CC2D2A: variants seen among roughly 807,000 people sequenced by gnomAD.
CC2D2A encodes coiled-coil and C2 domain containing 2A.
CC2D2A carries 155 observed loss-of-function variants against 212.9 expected under a neutral mutation model. That is an observed-to-expected ratio of 0.73 (90% confidence interval 0.64 to 0.83). The LOEUF (loss-of-function observed/expected upper bound fraction) is 0.83, where lower values mean the gene tolerates loss of function less well. Among genes scored for constraint, CC2D2A ranks in the 40% least tolerant of loss-of-function variants. The pLI is 0.00. For missense variants in CC2D2A, 1,856 were observed against 1,956.2 expected (o/e 0.95, Z 0.97); for synonymous variants, 667 against 686.5 (o/e 0.97, Z 0.44).
intron 4 of CC2D2A, 41 bp from the exon 5 acceptor site, chr4:15,502,388 T>C (rs974608823): frequency 1.6e-6 from 2 of 1,213,232 alleles, no homozygotes; most frequent in Admixed American, 2.5e-5. Flanking sequence ...TTTCTTTTTC[T>C]TTTTTTTTTA....
chr4:15,578,912 G>A (rs974757902), intron 29 of CC2D2A, among the ~76,000 whole-genome samples: 1 of 151,988 alleles, frequency 6.6e-6, no homozygotes, highest in African/African-American at 2.4e-5. Context: ...AAAGTGCTGG[G>A]ATTGCAGGTG....
chr4:15,470,652 T>TCC (rs1713680141), intron 1 of CC2D2A, among the ~76,000 whole-genome samples: 3 of 90,088 alleles, frequency 3.3e-5, no homozygotes, highest in African/African-American at 2.1e-4. Context: ...GCATGAAATC[T>TCC]CTCTCTCTCT....
chr4:15,530,114 G>A (rs1300554146), intron 13 of CC2D2A, among the ~76,000 whole-genome samples: 2 of 151,480 alleles, frequency 1.3e-5, no homozygotes, highest in Non-Finnish European at 3.0e-5. Flanking sequence ...TGGGACTACA[G>A]GCGCCCGCCA....
At chr4:15,503,077 G>A (rs760219239) in intron 6 of CC2D2A, among the ~76,000 whole-genome samples, 154 bp downstream of exon 6, 13 of 151,790 alleles carry the variant, frequency 8.6e-5, no homozygotes, top group Non-Finnish European at 1.6e-4. Flanking sequence ...TGGGAGGATC[G>A]CTTGAGTCCA....
chr4:15,598,528 A>G, intron 35 of CC2D2A, among the ~76,000 whole-genome samples: 1 of 152,226 alleles, frequency 6.6e-6, no homozygotes. Flanking sequence ...AAACATCTAC[A>G]AAAAGCACTT....
At chr4:15,587,068 G>C (rs567073464) in intron 31 of CC2D2A, among the ~76,000 whole-genome samples, 36 of 152,314 alleles carry the variant, frequency 2.4e-4, no homozygotes, top group African/African-American at 6.5e-4. Flanking sequence ...TAGTTTTGTA[G>C]AATACAATTT....
chr4:15,573,394 G>A (rs540993657), intron 28 of CC2D2A, among the ~76,000 whole-genome samples: 13 of 152,262 alleles, frequency 8.5e-5, no homozygotes, highest in East Asian at 3.9e-4. Context: ...AGGTTCAAGC[G>A]ATTGTCCTGT....
chr4:15,478,643 T>G, intron 2 of CC2D2A, 80 bp from the exon 3 acceptor site: 1 of 1,024,222 alleles, frequency 9.8e-7, no homozygotes, highest in South Asian at 1.6e-5. Context: ...AGGGTCAAGA[T>G]GGGAGTTTTA....
chr4:15,498,024 T>C (rs537825611), intron 4 of CC2D2A, among the ~76,000 whole-genome samples: 4 of 152,308 alleles, frequency 2.6e-5, no homozygotes, highest in African/African-American at 9.6e-5. Flanking sequence ...AGGGGTCAGG[T>C]ATAACAGAAG....
chr4:15,593,296 T>G (rs933712705), intron 33 of CC2D2A, among the ~76,000 whole-genome samples: 1 of 152,204 alleles, frequency 6.6e-6, no homozygotes, highest in African/African-American at 2.4e-5. Context: ...GATCTTGTCT[T>G]GAGCCAATTT....
At chr4:15,561,669 C>T (rs1316803389) in intron 23 of CC2D2A, 2 of 151,930 alleles carry the variant, frequency 1.3e-5, no homozygotes, top group Non-Finnish European at 2.9e-5. Context: ...TTTGATGGTC[C>T]TGGCTGACAT....
chr4:15,498,240 A>T (rs1258870810), intron 4 of CC2D2A, among the ~76,000 whole-genome samples: 1 of 152,216 alleles, frequency 6.6e-6, no homozygotes, highest in Non-Finnish European at 1.5e-5. Context: ...GTCTGATGAA[A>T]AACATCACTT....
At chr4:15,599,849 T>C in intron 36 of CC2D2A, 143 bp downstream of exon 36, 1 of 526,990 alleles carries the variant, frequency 1.9e-6, no homozygotes, top group Non-Finnish European at 3.2e-6. Context: ...AAAACTGTGA[T>C]CATAAGTTTT....
chr4:15,493,719 C>A (rs1715448550), intron 4 of CC2D2A, among the ~76,000 whole-genome samples: 1 of 152,220 alleles, frequency 6.6e-6, no homozygotes, highest in South Asian at 2.1e-4. Flanking sequence ...GGCATACATT[C>A]TCTATGGGGG....
chr4:15,515,861 G>T lies in CC2D2A; in HGVS notation c.881-7G>T. On this transcript the variant is annotated splice_polypyrimidine_tract_variant and splice_region_variant and intron_variant, in intron 9 of 36. Coordinates refer to ENST00000424120, the MANE Select transcript of CC2D2A (RefSeq NM_001378615.1). ...ATGTTTATTTTATTTATTTATAAAC[G>T]ATCTAGTCCCTACATATAAAAAGCT... is the stretch of plus-strand genomic sequence containing the variant. The T allele has an allele frequency of 1.3e-6, 2 of 1,549,336 alleles. No homozygotes were observed. The highest frequency in any genetic ancestry group is 1.2e-5 in the South Asian group (1 of 83,520).
chr4:15,570,511 T>A lies in CC2D2A; in HGVS notation c.3594+15T>A, dbSNP rs769229848. ...TCCAAGCAAGGGTAAGTATCTAAAG[T>A]TAGAGGTCCATGAGAGCAGGGAATT... is the stretch of plus-strand genomic sequence containing the variant. On this transcript the variant is annotated intron_variant, in intron 28 of 36. Coordinates refer to ENST00000424120, the MANE Select transcript of CC2D2A (RefSeq NM_001378615.1). 1 of 1,531,526 alleles carries A rather than the reference T, an allele frequency of 6.5e-7. No individual in the cohort carries two copies. The highest frequency in any genetic ancestry group is 9.0e-7 in the Non-Finnish European group (1 of 1,112,486). The allele number at this position is 1,531,526 out of a possible 1,614,324, so 94.9% of individuals were successfully genotyped here.
chr4:15,594,652 G>A (rs1338662886), intron 33 of CC2D2A, among the ~76,000 whole-genome samples: 2 of 152,128 alleles, frequency 1.3e-5, no homozygotes, highest in Non-Finnish European at 2.9e-5. Context: ...GTCAAGGAGT[G>A]CAAAAGTGTA....
intron 4 of CC2D2A, among the ~76,000 whole-genome samples, chr4:15,500,103 GTGTGTATA>G (rs1462300032): frequency 0.076 from 5,516 of 72,952 alleles, 360 homozygotes; most frequent in African/African-American, 0.19. Context: ...GTGTGTGTGT[GTGTGTATA>G]TATATATATA....
chr4:15,549,067 A>G (rs1718863695), intron 17 of CC2D2A, among the ~76,000 whole-genome samples: 1 of 152,172 alleles, frequency 6.6e-6, no homozygotes, highest in Admixed American at 6.5e-5. Flanking sequence ...ATATTGAAAT[A>G]TTTACAGATA....
Sources: allele counts gnomAD v4.1 joint callset (sites outside exome capture counted in the v4.1 genomes callset), GRCh38; gene constraint gnomAD v4.1.1; transcripts MANE v1.5; gene names NCBI Gene and HGNC (gene_info 2026-07-23, HGNC 2026-07-21).